Variants in CCDC91 observed in about 807,000 individuals in gnomAD.
The protein encoded by CCDC91 is coiled-coil domain containing 91.
In CCDC91, 48 loss-of-function variants were observed where a neutral mutation model predicts 63.2. The ratio of observed to expected loss-of-function variants is 0.76; its 90% CI spans 0.60 to 0.97. The LOEUF (loss-of-function observed/expected upper bound fraction) is 0.97. Among genes scored for constraint, CCDC91 ranks in the 50% least tolerant of loss-of-function variants. The pLI, the probability that CCDC91 is intolerant of heterozygous loss-of-function variation, is 0.00. For missense variants in CCDC91, 500 were observed against 494.6 expected, an observed-to-expected ratio of 1.01 and a Z score of -0.10; for synonymous variants, 167 against 165.8, an observed-to-expected ratio of 1.01 and a Z score of -0.06.
intron 11 of CCDC91, among the ~76,000 whole-genome samples, chr12:28,454,256 A>G (rs1445980311): frequency 1.3e-5 from 2 of 152,186 alleles, no homozygotes; most frequent in Non-Finnish European, 2.9e-5. Flanking sequence ...TGCATTAGAA[A>G]TAACAGCTAC....
chr12:28,323,900 T>C (rs1940750751), intron 6 of CCDC91, among the ~76,000 whole-genome samples: 1 of 151,876 alleles, frequency 6.6e-6, no homozygotes, highest in Non-Finnish European at 1.5e-5. Flanking sequence ...TATGTCAGCA[T>C]AGGATGTGAG....
intron 1 of CCDC91, among the ~76,000 whole-genome samples, chr12:28,205,366 C>T (rs1469870504): frequency 2.6e-5 from 4 of 151,348 alleles, no homozygotes; most frequent in Non-Finnish European, 5.9e-5. Context: ...AAAAAAATGA[C>T]AGGTTATTCA....
rs141756120 is a variant in CCDC91 at position 28,358,163 on chromosome 12, A to C, written c.577-4275A>C. Among the ~76,000 whole-genome samples the C allele has an allele frequency of 5.7e-3, 861 of 152,318 alleles. 4 individuals are homozygous for C. Among genetic ancestry groups the C allele is most frequent in the Middle Eastern group, 0.01 (3 of 294 alleles). ...TAATTTATTCCATCTCCCTCATTTA[A>C]CAGATAGAGAAATGTACCCAAAAAA... On this transcript the variant is annotated intron_variant, in intron 6 of 12. Transcript: ENST00000536442.
chr12:28,344,896 T>C (rs555130130), intron 6 of CCDC91, among the ~76,000 whole-genome samples: 1 of 152,052 alleles, frequency 6.6e-6, no homozygotes, highest in Non-Finnish European at 1.5e-5. Flanking sequence ...CTACACTGAG[T>C]TGAGGGGAAG....
chr12:28,460,821 A>T lies in CCDC91; in HGVS notation c.1101+8167A>T, dbSNP rs557256135. 2.6e-3 allele frequency among the ~76,000 whole-genome samples: 390 copies of T among 151,880 alleles called. 4 individuals carry two copies. The highest frequency in any genetic ancestry group is 8.5e-3 in the African/African-American group (352 of 41,488). On this transcript the variant is annotated intron_variant, in intron 11 of 12. Transcript: ENST00000536442. The stretch of plus-strand genomic sequence containing the variant: ...TGTGTGTGTGTGTGTGTATATATAT[A>T]TTTTTTAACTTAGCTGGAGAGGGAC...
chr12:28,451,919 A>G (rs1949820278), intron 10 of CCDC91, among the ~76,000 whole-genome samples: 1 of 151,666 alleles, frequency 6.6e-6, no homozygotes, highest in South Asian at 2.1e-4. Context: ...AAAAAACATC[A>G]TTACAGATTT....
intron 12 of CCDC91, among the ~76,000 whole-genome samples, chr12:28,495,317 T>C (rs1269479386): frequency 6.6e-6 from 1 of 151,738 alleles, no homozygotes; most frequent in Non-Finnish European, 1.5e-5. Context: ...GTCAGACCTT[T>C]GTTCATTAAG....
At chr12:28,260,752 A>T (rs1312515310) in intron 3 of CCDC91, among the ~76,000 whole-genome samples, 1 of 151,922 alleles carries the variant, frequency 6.6e-6, no homozygotes, top group African/African-American at 2.4e-5. Flanking sequence ...TATTTGGAGG[A>T]TGAATAAAGA....
chr12:28,384,454 T>G (rs1945478620), intron 7 of CCDC91, among the ~76,000 whole-genome samples: 1 of 152,138 alleles, frequency 6.6e-6, no homozygotes, highest in Admixed American at 6.5e-5. Context: ...TCCATGCATA[T>G]GTGTAGCCCA....
intron 11 of CCDC91, among the ~76,000 whole-genome samples, chr12:28,454,289 G>T (rs540823815): frequency 3.3e-5 from 5 of 152,210 alleles, no homozygotes; most frequent in South Asian, 4.2e-4. Context: ...TCACTGACTG[G>T]CCTTGTACTG....
At chr12:28,252,623 G>C (rs917277015) in intron 1 of CCDC91, among the ~76,000 whole-genome samples, 2 of 151,910 alleles carry the variant, frequency 1.3e-5, no homozygotes, top group Non-Finnish European at 2.9e-5. Context: ...CATCCTGTTC[G>C]TAATTCATGG....
chr12:28,446,378 CCAAA>C (rs1436167244), intron 8 of CCDC91, among the ~76,000 whole-genome samples: 1 of 151,850 alleles, frequency 6.6e-6, no homozygotes, highest in Non-Finnish European at 1.5e-5. Flanking sequence ...AAAATTGTTA[CCAAA>C]CAAAAACATC....
intron 12 of CCDC91, among the ~76,000 whole-genome samples, chr12:28,491,109 G>C (rs1353451194): frequency 1.3e-5 from 2 of 151,364 alleles, no homozygotes; most frequent in Non-Finnish European, 3.0e-5. Flanking sequence ...ATTGGTTTTT[G>C]GGTGGATTCT....
chr12:28,422,788 A>G (rs560252398), intron 8 of CCDC91, among the ~76,000 whole-genome samples: 14 of 152,244 alleles, frequency 9.2e-5, no homozygotes, highest in Admixed American at 9.2e-4. Flanking sequence ...GAGAGTAGGA[A>G]AATCATCATC....
At chr12:28,298,914 G>A (rs1469949960) in intron 3 of CCDC91, among the ~76,000 whole-genome samples, 1 of 151,336 alleles carries the variant, frequency 6.6e-6, no homozygotes, top group Non-Finnish European at 1.5e-5. Flanking sequence ...TCATATATCT[G>A]TAGTTTCTTT....
intron 8 of CCDC91, among the ~76,000 whole-genome samples, chr12:28,392,359 C>T (rs1243107864): frequency 6.6e-6 from 1 of 152,152 alleles, no homozygotes; most frequent in Non-Finnish European, 1.5e-5. Context: ...TTTACTCATG[C>T]TACATACTCA....
chr12:28,386,481 G>T (rs1004170366), intron 7 of CCDC91, among the ~76,000 whole-genome samples: 1 of 152,060 alleles, frequency 6.6e-6, no homozygotes, highest in African/African-American at 2.4e-5. Context: ...CGATTCTCCT[G>T]CCTGAGCCTC....
chr12:28,280,515 G>A (rs562859446), intron 3 of CCDC91, among the ~76,000 whole-genome samples: 85 of 152,130 alleles, frequency 5.6e-4, no homozygotes, highest in African/African-American at 1.9e-3. Context: ...TGTTGAATGA[G>A]TAATATATAA....
At chr12:28,232,403 GTCTTT>G (rs1160755774) in intron 1 of CCDC91, among the ~76,000 whole-genome samples, 2 of 151,934 alleles carry the variant, frequency 1.3e-5, no homozygotes, top group Admixed American at 6.6e-5. Flanking sequence ...GTACCATGAA[GTCTTT>G]TCTTGTAGCT....
Sources: allele counts gnomAD v4.1 joint callset (sites outside exome capture counted in the v4.1 genomes callset), GRCh38; gene constraint gnomAD v4.1.1; transcripts MANE v1.5; gene names NCBI Gene and HGNC (gene_info 2026-07-23, HGNC 2026-07-21).